The following NOS1AP variants were observed in gnomAD, a reference collection of about 807,000 sequenced individuals.
The protein encoded by NOS1AP is carboxyl-terminal PDZ ligand of neuronal nitric oxide synthase protein.
A neutral mutation model predicts 56.2 loss-of-function variants in NOS1AP; 21 were observed. The observed-to-expected ratio is 0.37, with a 90% CI of 0.26 to 0.54. The LOEUF (loss-of-function observed/expected upper bound fraction) is 0.54. Among genes scored for constraint, NOS1AP ranks in the 20% least tolerant of loss-of-function variants. NOS1AP has a pLI of 0.84. For synonymous variants in NOS1AP, 270 were observed against 274.6 expected (o/e 0.98, Z 0.17); for missense variants, 522 against 657.8 (o/e 0.79, Z 2.26).
chr1:162,338,939 G>C (rs139784278), intron 5 of NOS1AP, among the ~76,000 whole-genome samples: 10 of 152,302 alleles, frequency 6.6e-5, no homozygotes, highest in Non-Finnish European at 1.3e-4. Context: ...ACCCACATTA[G>C]GTGTGCTGAG....
chr1:162,352,840 G>C (rs1462597848), intron 6 of NOS1AP, among the ~76,000 whole-genome samples: 1 of 152,120 alleles, frequency 6.6e-6, no homozygotes, highest in Non-Finnish European at 1.5e-5. Context: ...CCAACATTCA[G>C]TCCATAACAT....
chr1:162,368,609 A>G lies in NOS1AP; in HGVS notation c.*1142A>G, dbSNP rs1647255228. 1 of 152,260 alleles carries G rather than the reference A, an allele frequency of 6.6e-6. No individual in the cohort carries two copies. The highest frequency in any genetic ancestry group is 1.5e-5 in the Non-Finnish European group (1 of 68,050). 9.4% of individuals were successfully genotyped at this position (152,260 alleles called of 1,614,324 possible). ...CTGCGTGCGTGCCTTGAGCACACAT[A>G]TAAAAAGTGCCATGTGCAATTGTCT... On this transcript the variant is annotated 3_prime_UTR_variant, in exon 10 of 10. Transcript: ENST00000361897.
Position 162,146,485 on chromosome 1 carries a change from T to C in NOS1AP, c.106-7920T>C, listed in dbSNP as rs1477204747. Among the ~76,000 whole-genome samples, 5 of 152,250 alleles carry C rather than the reference T, an allele frequency of 3.3e-5. No homozygotes were observed. In the South Asian group the frequency reaches 6.2e-4, roughly 19 times the overall value. ...GCCTGCCCTCTCTTTTAAGCTCCTC[T>C]GGCTGTCCCCGTCTCTGGTATCCAA... On this transcript the variant is annotated intron_variant, in intron 1 of 9. Coordinates refer to ENST00000361897, the MANE Select transcript of NOS1AP (RefSeq NM_014697.3).
At chr1:162,275,109 C>T (rs1427260080) in intron 2 of NOS1AP, among the ~76,000 whole-genome samples, 1 of 152,106 alleles carries the variant, frequency 6.6e-6, no homozygotes, top group Non-Finnish European at 1.5e-5. Context: ...ATGGATCATG[C>T]TTTTGGTATC....
rs369198182 is a variant in NOS1AP at position 162,287,503 on chromosome 1, C to T, written c.270+67C>T. Reference sequence around the variant, plus strand: ...AGGGGAGGTAGGCATGGGGTACCTTCTTCTTCTGGGCCCACCTCCAGAGAG... The same window carrying T: ...AGGGGAGGTAGGCATGGGGTACCTTTTTCTTCTGGGCCCACCTCCAGAGAG... On this transcript the variant is annotated intron_variant, in intron 3 of 9. Transcript: ENST00000361897. The T allele has an allele frequency of 3.5e-5, 36 of 1,023,988 alleles. No individual in the cohort carries two copies. In the South Asian group the frequency reaches 4.2e-4, roughly 12 times the overall value. 63.4% of individuals were successfully genotyped at this position (1,023,988 alleles called of 1,614,324 possible).
intron 2 of NOS1AP, among the ~76,000 whole-genome samples, chr1:162,277,602 G>A (rs1451636584): frequency 6.6e-6 from 1 of 152,180 alleles, no homozygotes; most frequent in Non-Finnish European, 1.5e-5. Flanking sequence ...AGCGTACTAT[G>A]GGGAAATTCA....
rs191986963 is a variant in NOS1AP, at chr1:162,195,098, C to T, written c.177+40622C>T. The stretch of plus-strand genomic sequence containing the variant: ...CTGTGATTTTTGTAAAATCTGCTTT[C>T]TCTCTGGTGAAATGGGATAGGGGTA... On this transcript the variant is annotated intron_variant, in intron 2 of 9. Coordinates refer to ENST00000361897, the MANE Select transcript of NOS1AP (RefSeq NM_014697.3). Among the ~76,000 whole-genome samples, 163 of 152,228 alleles carry T rather than the reference C, an allele frequency of 1.1e-3. 1 individual carries two copies. The highest frequency in any genetic ancestry group is 3.7e-3 in the African/African-American group (154 of 41,538).
At chr1:162,309,977 T>C (rs1655971221) in intron 4 of NOS1AP, among the ~76,000 whole-genome samples, 1 of 152,226 alleles carries the variant, frequency 6.6e-6, no homozygotes, top group African/African-American at 2.4e-5. Flanking sequence ...AGTCACTGTA[T>C]TGTTTTGTGG....
At chr1:162,307,724 T>C (rs1324028630) in intron 4 of NOS1AP, among the ~76,000 whole-genome samples, 1 of 150,682 alleles carries the variant, frequency 6.6e-6, no homozygotes, top group Non-Finnish European at 1.5e-5. Context: ...GGCAGGAGAG[T>C]GGCGTGAACC....
intron 2 of NOS1AP, among the ~76,000 whole-genome samples, chr1:162,181,173 A>G (rs1651244091): frequency 6.6e-6 from 1 of 152,220 alleles, no homozygotes; most frequent in African/African-American, 2.4e-5. Flanking sequence ...GCAGGGTTAG[A>G]CCCACTCATA....
intron 1 of NOS1AP, among the ~76,000 whole-genome samples, chr1:162,093,463 T>C (rs2102024628): frequency 6.6e-6 from 1 of 152,342 alleles, no homozygotes; most frequent in East Asian, 1.9e-4. Context: ...GCAGTATTTT[T>C]GGTGGCGAGG....
intron 2 of NOS1AP, among the ~76,000 whole-genome samples, chr1:162,235,807 CATGA>C (rs1653272482): frequency 6.6e-6 from 1 of 152,236 alleles, no homozygotes; most frequent in African/African-American, 2.4e-5. Flanking sequence ...TCACTGATGA[CATGA>C]ATATGTTTCA....
chr1:162,336,115 A>C (rs763212909), intron 5 of NOS1AP, among the ~76,000 whole-genome samples: 1 of 152,226 alleles, frequency 6.6e-6, no homozygotes, highest in Non-Finnish European at 1.5e-5. Context: ...AGATTATCTA[A>C]GTTCCAGCCT....
Position 162,138,287 on chromosome 1 carries a change from G to A in NOS1AP, c.106-16118G>A, listed in dbSNP as rs1246229078. 2.6e-5 allele frequency among the ~76,000 whole-genome samples: 4 copies of A among 152,152 alleles called. No individual in the cohort carries two copies. In the South Asian group the frequency reaches 8.3e-4, roughly 32 times the overall value. ...TTAGTCTAAGTTTCTGTTGTGCAGT[G>A]GGGCGGTGGTGATGGTGGGATACGT... On this transcript the variant is annotated intron_variant, in intron 1 of 9. Transcript: ENST00000361897.
intron 2 of NOS1AP, among the ~76,000 whole-genome samples, chr1:162,182,791 A>G (rs968541340): frequency 6.6e-6 from 1 of 152,334 alleles, no homozygotes; most frequent in Admixed American, 6.5e-5. Context: ...ATTCAGTCAC[A>G]TCTTCAGGCT....
intron 4 of NOS1AP, among the ~76,000 whole-genome samples, chr1:162,302,061 G>A (rs750967490): frequency 1.3e-5 from 2 of 152,190 alleles, no homozygotes; most frequent in Non-Finnish European, 2.9e-5. Flanking sequence ...AGTTACTGAG[G>A]TATAAGATAG....
At chr1:162,241,817 A>G (rs1653497255) in intron 2 of NOS1AP, among the ~76,000 whole-genome samples, 1 of 152,204 alleles carries the variant, frequency 6.6e-6, no homozygotes, top group South Asian at 2.1e-4. Context: ...AAGCAGATTC[A>G]CACTGAAACT....
At chr1:162,098,102 C>CTTTTT (rs35307081) in intron 1 of NOS1AP, among the ~76,000 whole-genome samples, 80 of 80,566 alleles carry the variant, frequency 9.9e-4, no homozygotes, top group African/African-American at 1.2e-3. Flanking sequence ...CTCTCTTTTG[C>CTTTTT]TTTTTTTTTT....
chr1:162,167,025 C>A (rs992310257), intron 2 of NOS1AP, among the ~76,000 whole-genome samples: 2 of 152,196 alleles, frequency 1.3e-5, no homozygotes, highest in African/African-American at 4.8e-5. Flanking sequence ...ATTCTGTTCA[C>A]CACCCAGCCC....
Sources: allele counts gnomAD v4.1 joint callset (sites outside exome capture counted in the v4.1 genomes callset), GRCh38; gene constraint gnomAD v4.1.1; transcripts MANE v1.5; gene names NCBI Gene and HGNC (gene_info 2026-07-23, HGNC 2026-07-21).